DOP1A: variants seen among roughly 807,000 people sequenced by gnomAD.
DOP1A encodes the protein DOP1 leucine zipper like protein A, also known as protein DOP1A.
In DOP1A, 90 loss-of-function variants were observed where a neutral mutation model predicts 267.6. That is an observed-to-expected ratio of 0.34 (90% CI 0.28 to 0.40). DOP1A has a LOEUF of 0.40. Ranked by LOEUF, DOP1A falls within the 10% of genes least tolerant of loss-of-function variation. DOP1A has a pLI of 1.00. For synonymous variants in DOP1A, 932 were observed against 999.1 expected (o/e 0.93, Z 1.27); for missense variants, 2,437 against 2,900.4 (o/e 0.84, Z 3.67).
chr6:83,138,982 C>T lies in DOP1A; in HGVS notation c.4940C>T (p.Ala1647Val), dbSNP rs1334173169. ...QGMFLCAVIR[A>V]LHQHCACKMH... The stretch of plus-strand genomic sequence containing the variant: ...ATGTTCCTCTGTGCAGTGATACGAG[C>T]TTTGCATCAGCACTGTGCATGTAAG... Residue 1647 changes from alanine (A) to valine (V), a missense_variant, in exon 21 of 39, where the codon GCT becomes GTT. Around this residue, in one of 9 missense-constraint regions of DOP1A, gnomAD observed 307 missense variants for 308.6 expected, o/e 0.99. Transcript: ENST00000349129. 1.2e-6 allele frequency: 2 copies of T among 1,613,984 alleles called. No homozygotes were observed. The highest frequency in any genetic ancestry group is 1.7e-6 in the Non-Finnish European group (2 of 1,179,970).
intron 1 of DOP1A, among the ~76,000 whole-genome samples, chr6:83,069,000 C>T (rs1267327917): frequency 6.6e-6 from 1 of 152,148 alleles, no homozygotes; most frequent in Non-Finnish European, 1.5e-5. Flanking sequence ...AAATGTGACA[C>T]CATAACCCAA....
intron 19 of DOP1A, 149 bp from the exon 20 acceptor site, chr6:83,135,470 A>G (rs1175569591): frequency 1.1e-6 from 1 of 915,574 alleles, no homozygotes; most frequent in East Asian, 2.7e-5. Flanking sequence ...GATTAAGATT[A>G]TTAAAATACT....
At chr6:83,153,739 AT>A (rs1782184389) in intron 31 of DOP1A, 119 bp downstream of exon 31, 3 of 1,169,154 alleles carry the variant, frequency 2.6e-6, no homozygotes, top group East Asian at 2.7e-5. Context: ...TTGAATTATA[AT>A]TGTTTAAAAA....
At chr6:83,118,842 A>G in intron 7 of DOP1A, 46 bp from the exon 8 acceptor site, 1 of 1,521,558 alleles carries the variant, frequency 6.6e-7, no homozygotes, top group South Asian at 1.2e-5. Context: ...AAAAAATAAT[A>G]TATATTGTAT....
intron 24 of DOP1A, 68 bp from the exon 25 acceptor site, chr6:83,145,456 T>C (rs1333744619): frequency 2.3e-6 from 3 of 1,305,574 alleles, no homozygotes; most frequent in Middle Eastern, 1.9e-4. Context: ...CATAAAATAC[T>C]CTCTTCTGTA....
intron 20 of DOP1A, among the ~76,000 whole-genome samples, chr6:83,136,567 G>A (rs566336254): frequency 1.8e-4 from 27 of 152,216 alleles, no homozygotes; most frequent in African/African-American, 6.5e-4. Flanking sequence ...GAGTCTCATG[G>A]CTATTAAGTG....
At chr6:83,091,294 C>A (rs1770350892) in intron 1 of DOP1A, among the ~76,000 whole-genome samples, 1 of 152,112 alleles carries the variant, frequency 6.6e-6, no homozygotes, top group African/African-American at 2.4e-5. Context: ...ACCATATCAA[C>A]CATCTTTTCA....
In DOP1A at chr6:83,129,034, G is replaced by A. The variant is rs761374144; in HGVS notation, c.1867G>A (p.Gly623Ser). 1.2e-5 allele frequency: 19 copies of A among 1,613,848 alleles called. No individual in the cohort carries two copies. The South Asian group carries it at 1.9e-4, about 16-fold the overall frequency. Residue 623 changes from glycine to serine, a missense_variant, in exon 16 of 39, where the codon GGC (glycine) becomes AGC (serine). By Grantham distance (56) the Gly-to-Ser change is moderately conservative (BLOSUM62 0). This residue lies in a region of DOP1A where 498 missense variants were observed against 513.5 expected (regional missense o/e 0.97). Coordinates refer to ENST00000349129, the MANE Select transcript of DOP1A (RefSeq NM_015018.4). Reference sequence around the variant, plus strand: ...TGATATTGACAGAGAACTGAGTGAGGGCCAGGGGGCAGCTGCCATCCCAAT... The same window carrying A: ...TGATATTGACAGAGAACTGAGTGAGAGCCAGGGGGCAGCTGCCATCCCAAT... The part of the protein sequence containing the change: ...TDDIDRELSE[G>S]QGAAAIPIGS...
chr6:83,153,145 CAATT>C (rs908233525), intron 30 of DOP1A, among the ~76,000 whole-genome samples: 14 of 133,884 alleles, frequency 1.0e-4, no homozygotes, highest in African/African-American at 4.0e-4. Context: ...CAGCCCAGTT[CAATT>C]GTTTGTTTTT....
chr6:83,067,846 CCGG>C (rs1385862526), intron 1 of DOP1A, 67 bp downstream of exon 1: 2 of 152,252 alleles, frequency 1.3e-5, no homozygotes, highest in Non-Finnish European at 1.5e-5. Context: ...CCTTCTCGGC[CCGG>C]CTAGGTCCTG....
At chr6:83,121,889 T>G (rs760418327) in intron 10 of DOP1A, 41 bp from the exon 11 acceptor site, 18 of 1,567,376 alleles carry the variant, frequency 1.1e-5, no homozygotes, top group Non-Finnish European at 2.6e-6. Context: ...GATTTGCTCA[T>G]GCTGATTAAT....
intron 38 of DOP1A, chr6:83,167,409 T>G: frequency 1.0e-6 from 1 of 982,112 alleles, no homozygotes; most frequent in Non-Finnish European, 1.2e-6. Context: ...GCCATTTAGA[T>G]AAAAGGGAAT....
intron 1 of DOP1A, among the ~76,000 whole-genome samples, chr6:83,069,335 T>C (rs1785226774): frequency 6.6e-6 from 1 of 152,230 alleles, no homozygotes; most frequent in South Asian, 2.1e-4. Flanking sequence ...TTTAACTTTT[T>C]TGCTTATAAA....
chr6:83,148,982 C>A, intron 27 of DOP1A, 119 bp downstream of exon 27: 2 of 560,276 alleles, frequency 3.6e-6, no homozygotes, highest in Non-Finnish European at 2.8e-6. Flanking sequence ...TCATAGTGTT[C>A]TTGAGATGCA....
chr6:83,131,794 C>A (rs1340401249), intron 17 of DOP1A, among the ~76,000 whole-genome samples: 1 of 152,050 alleles, frequency 6.6e-6, no homozygotes, highest in Non-Finnish European at 1.5e-5. Flanking sequence ...TGCCACCATG[C>A]CTGGCTAACT....
At chr6:83,084,627 G>A (rs1390848593) in intron 1 of DOP1A, among the ~76,000 whole-genome samples, 2 of 151,984 alleles carry the variant, frequency 1.3e-5, no homozygotes, top group East Asian at 3.9e-4. Context: ...TTGTAGCCCA[G>A]GCTGGAGTAC....
In DOP1A at chr6:83,140,316, G is replaced by C. The variant is rs1779407358; in HGVS notation, c.5328G>C (p.Trp1776Cys). ...HMIMSSVTLL[W>C]SILHQADSSE... ...TCATGTCCTCTGTGACACTGCTTTG[G>C]AGCATACTGCATCAAGCTGATTCTT... is the stretch of plus-strand genomic sequence containing the variant. Residue 1776 changes from tryptophan to cysteine, a missense_variant, in exon 23 of 39, where the codon TGG (tryptophan) becomes TGC (cysteine). Around this residue, in one of 9 missense-constraint regions of DOP1A, gnomAD observed 307 missense variants for 308.6 expected, o/e 0.99. Coordinates refer to ENST00000349129, the MANE Select transcript of DOP1A (RefSeq NM_015018.4). 1 of 1,613,460 alleles carries C rather than the reference G, an allele frequency of 6.2e-7. No individual in the cohort carries two copies. Among genetic ancestry groups the C allele is most frequent in the Non-Finnish European group, 8.5e-7 (1 of 1,179,854 alleles).
chr6:83,153,850 TA>T (rs1350851016), intron 31 of DOP1A, 43 bp from the exon 32 acceptor site: 2 of 1,559,676 alleles, frequency 1.3e-6, no homozygotes, highest in African/African-American at 2.8e-5. Context: ...ATAGGATGAT[TA>T]AAGTTAGGAC....
intron 1 of DOP1A, among the ~76,000 whole-genome samples, chr6:83,070,203 G>A (rs934050809): frequency 6.6e-5 from 10 of 152,216 alleles, no homozygotes; most frequent in South Asian, 2.1e-4. Context: ...ATAGATAAGC[G>A]TTAATTCAGG....
Sources: allele counts gnomAD v4.1 joint callset (sites outside exome capture counted in the v4.1 genomes callset), GRCh38; gene constraint gnomAD v4.1.1; regional missense constraint gnomAD v4.1.1; transcripts MANE v1.5; gene names NCBI Gene and HGNC (gene_info 2026-07-23, HGNC 2026-07-21).